Variants in TMEM272 observed in about 807,000 individuals in gnomAD.
The protein encoded by TMEM272 is long intergenic non-protein coding RNA 282.
A neutral mutation model predicts 3.7 loss-of-function variants in TMEM272; 8 were observed. That is an observed-to-expected ratio of 2.17 (90% CI 1.27 to 3.91). The LOEUF is 3.91. Among genes scored for constraint, TMEM272 ranks in the 30% most tolerant of loss-of-function variants. The probability of loss-of-function intolerance (pLI) is 0.00; values close to 1 mark genes in which losing one functional copy is unlikely to be tolerated. For missense variants in TMEM272, 166 were observed against 91.5 expected (o/e 1.81, Z -3.32); for synonymous variants, 63 against 39.8 (o/e 1.58, Z -2.20).
At chr13:51,919,300 T>C in the TMEM272 span, among the ~76,000 whole-genome samples, 1 of 152,174 alleles carries the variant, frequency 6.6e-6, no homozygotes, top group Non-Finnish European at 1.5e-5. Context: ...GAAGACAAAA[T>C]CCCTGACCCA....
the TMEM272 span, among the ~76,000 whole-genome samples, chr13:51,856,327 GC>G: frequency 2.0e-5 from 3 of 152,178 alleles, no homozygotes. Flanking sequence ...GTGGCCTCAG[GC>G]CACATGACTC....
At chr13:51,913,161 G>A in the TMEM272 span, among the ~76,000 whole-genome samples, 1 of 152,160 alleles carries the variant, frequency 6.6e-6, no homozygotes, top group African/African-American at 2.4e-5. Context: ...TGAGGACCTC[G>A]GGTTGAAGGT....
the TMEM272 span, among the ~76,000 whole-genome samples, chr13:51,877,672 T>C: frequency 1.3e-5 from 2 of 152,230 alleles, no homozygotes; most frequent in Non-Finnish European, 2.9e-5. Flanking sequence ...AGCATTTTTC[T>C]TACCAATTTG....
chr13:51,823,055 T>G (rs1046599991), intron 3 of TMEM272, among the ~76,000 whole-genome samples: 1 of 152,196 alleles, frequency 6.6e-6, no homozygotes, highest in East Asian at 1.9e-4. Flanking sequence ...ACCAGTGGGC[T>G]GTGGGACACC....
chr13:51,908,371 A>T, the TMEM272 span: 7 of 1,500,568 alleles, frequency 4.7e-6, no homozygotes, highest in Non-Finnish European at 6.5e-6. Flanking sequence ...CTCGGTGGAC[A>T]GACATTTCTC....
chr13:51,862,904 G>T, the TMEM272 span, among the ~76,000 whole-genome samples: 2,252 of 152,300 alleles, frequency 0.015, 57 homozygotes, highest in African/African-American at 0.052. Flanking sequence ...TATAGGCGGC[G>T]TTATATTATG....
chr13:51,817,711 G>C (rs544827745), intron 4 of TMEM272, among the ~76,000 whole-genome samples: 47 of 149,902 alleles, frequency 3.1e-4, no homozygotes, highest in African/African-American at 1.1e-3. Flanking sequence ...GAATTCCCAA[G>C]TGGGGCTGTG....
chr13:51,922,844 C>T, the TMEM272 span, among the ~76,000 whole-genome samples: 1 of 152,236 alleles, frequency 6.6e-6, no homozygotes, highest in African/African-American at 2.4e-5. Context: ...CCTCCAACCT[C>T]TTCCTCTATC....
the TMEM272 span, among the ~76,000 whole-genome samples, chr13:51,919,550 G>C: frequency 6.6e-6 from 1 of 151,856 alleles, no homozygotes; most frequent in Non-Finnish European, 1.5e-5. Flanking sequence ...TAATCTTCAT[G>C]ACTCTTTAAG....
chr13:51,819,250 G>A lies in TMEM272; in HGVS notation c.202-2137C>T, dbSNP rs537901808. On this transcript the variant is annotated intron_variant, in intron 4 of 4. Transcript: ENST00000629372. Reference sequence around the variant, plus strand: ...GAAGGGTGGTGGGTTTAGGGTAGGGGAAAAACCAATTGCCTGTAGTAGGTT... The same window carrying A: ...GAAGGGTGGTGGGTTTAGGGTAGGGAAAAAACCAATTGCCTGTAGTAGGTT... Among the ~76,000 whole-genome samples the A allele has an allele frequency of 1.2e-4, 18 of 152,270 alleles. No homozygotes were observed. In the South Asian group the frequency reaches 2.9e-3, roughly 25 times the overall value.
At position 51,815,852 on chromosome 13, in the gene TMEM272, A is replaced by C. The variant is rs1956017631; in HGVS notation, c.*899T>G. 1 of 152,248 alleles carries C rather than the reference A, an allele frequency of 6.6e-6. No individual in the cohort carries two copies. Among genetic ancestry groups the C allele is most frequent in the South Asian group, 2.1e-4 (1 of 4,828 alleles). 9.4% of individuals were successfully genotyped at this position (152,248 alleles called of 1,614,324 possible). On this transcript the variant is annotated 3_prime_UTR_variant, in exon 5 of 5. Coordinates refer to ENST00000629372, the MANE Select transcript of TMEM272 (RefSeq NM_001351003.2). ...AAAGGCTTCCAAAGCCTAACTGGTC[A>C]TTAGGTTGAGGAGCTATTATTCGAT... is the stretch of plus-strand genomic sequence containing the variant.
chr13:51,821,955 T>C (rs1225481530), intron 4 of TMEM272, 100 bp downstream of exon 4: 1 of 696,610 alleles, frequency 1.4e-6, no homozygotes, highest in African/African-American at 1.8e-5. Context: ...GGAAGTTGTT[T>C]TGTCTCCCCT....
the TMEM272 span, among the ~76,000 whole-genome samples, chr13:51,903,574 C>T: frequency 6.6e-6 from 1 of 152,130 alleles, no homozygotes; most frequent in African/African-American, 2.4e-5. Flanking sequence ...CCCAGAACAC[C>T]CCTTTTTCCT....
the TMEM272 span, among the ~76,000 whole-genome samples, chr13:51,850,358 T>C: frequency 6.6e-6 from 1 of 152,206 alleles, no homozygotes; most frequent in South Asian, 2.1e-4. Flanking sequence ...GTGAATGCTA[T>C]CCACTTCTTT....
chr13:51,872,898 A>C, the TMEM272 span, among the ~76,000 whole-genome samples: 1 of 152,242 alleles, frequency 6.6e-6, no homozygotes, highest in Non-Finnish European at 1.5e-5. Flanking sequence ...TTTCAGGCAC[A>C]TGAGATCTCA....
chr13:51,887,018 G>A, the TMEM272 span, among the ~76,000 whole-genome samples: 2 of 152,110 alleles, frequency 1.3e-5, no homozygotes, highest in Admixed American at 6.5e-5. Context: ...TCAGTTCTCC[G>A]CTTGCAAGAC....
At chr13:51,847,099 T>C (rs1410957126), upstream of TMEM272, among the ~76,000 whole-genome samples, 2 of 152,204 alleles carry the variant, frequency 1.3e-5, no homozygotes, top group East Asian at 3.8e-4. Flanking sequence ...GATACACAAA[T>C]ACTATGTGTA....
At chr13:51,901,087 T>A in the TMEM272 span, among the ~76,000 whole-genome samples, 1 of 152,222 alleles carries the variant, frequency 6.6e-6, no homozygotes, top group Non-Finnish European at 1.5e-5. Context: ...AATTATAAAC[T>A]TTAGAGGGGT....
the TMEM272 span, among the ~76,000 whole-genome samples, chr13:51,859,952 GCAC>G: frequency 6.6e-6 from 1 of 151,912 alleles, no homozygotes; most frequent in Admixed American, 6.6e-5. Context: ...GAGTGCAGTG[GCAC>G]GATCATAGCT....
Sources: allele counts gnomAD v4.1 joint callset (sites outside exome capture counted in the v4.1 genomes callset), GRCh38; gene constraint gnomAD v4.1.1; transcripts MANE v1.5; gene names NCBI Gene and HGNC (gene_info 2026-07-23, HGNC 2026-07-21).